SLCO6A1: variants seen among roughly 807,000 people sequenced by gnomAD.
The protein encoded by SLCO6A1 is cancer/testis antigen 48.
In SLCO6A1, 65 loss-of-function variants were observed where a neutral mutation model predicts 72.7. The observed-to-expected ratio is 0.89, with a 90% confidence interval of 0.73 to 1.10. The LOEUF is 1.10. SLCO6A1 is among the 50% of genes least tolerant of loss of function. The pLI, the probability that SLCO6A1 is intolerant of heterozygous loss-of-function variation, is 0.00. For synonymous variants in SLCO6A1, 314 were observed against 298.2 expected, an observed-to-expected ratio of 1.05 and a Z score of -0.55; for missense variants, 874 against 872.6, an observed-to-expected ratio of 1.00 and a Z score of -0.02.
At chr5:102,420,221 G>A (rs1266498390) in intron 7 of SLCO6A1, among the ~76,000 whole-genome samples, 200 bp from the exon 8 acceptor site, 1 of 152,218 alleles carries the variant, frequency 6.6e-6, no homozygotes, top group Non-Finnish European at 1.5e-5. Context: ...CAGGGCTGAA[G>A]CCATAGGCCT....
chr5:102,436,114 A>AATATACCTTTACAGT (rs1490553668), intron 7 of SLCO6A1, among the ~76,000 whole-genome samples: 1 of 152,160 alleles, frequency 6.6e-6, no homozygotes, highest in African/African-American at 2.4e-5. Context: ...AAAAACCACA[A>AATATACCTTTACAGT]ATATACCTTT....
chr5:102,462,455 C>G (rs944153708), intron 4 of SLCO6A1, among the ~76,000 whole-genome samples: 1 of 152,126 alleles, frequency 6.6e-6, no homozygotes, highest in African/African-American at 2.4e-5. Context: ...AATAACAAAT[C>G]TAGAGGCATC....
At chr5:102,463,704 T>A (rs1751159449) in intron 4 of SLCO6A1, among the ~76,000 whole-genome samples, 1 of 151,772 alleles carries the variant, frequency 6.6e-6, no homozygotes, top group Non-Finnish European at 1.5e-5. Flanking sequence ...CTGACCAAAG[T>A]GGAGAAACCC....
At chr5:102,414,936 TA>T (rs538787690) in intron 8 of SLCO6A1, among the ~76,000 whole-genome samples, 39,433 of 150,908 alleles carry the variant, frequency 0.26, 5,862 homozygotes, top group Non-Finnish European at 0.31. Flanking sequence ...AATAAATAAA[TA>T]AATTAATTAA....
In SLCO6A1 at chr5:102,399,556, G is replaced by A. The variant is rs777289666; in HGVS notation, c.1813C>T (p.Arg605Trp). Reference sequence around the variant, plus strand: ...TAATAATGAGTAATATATACATACCGCGTCATGGCCAAGACGATTGGTACA... The same window carrying A: ...TAATAATGAGTAATATATACATACCACGTCATGGCCAAGACGATTGGTACA... ...SGVPIVLAMT[R>W]VVPDKLRSLA... The change falls in exon 10 of 14, where the codon CGG (arginine) becomes TGG (tryptophan). Residue 605 changes from arginine (R) to tryptophan (W), a missense_variant and splice_region_variant. Physicochemically the swap from Arg to Trp is moderately radical, Grantham distance 101. Transcript: ENST00000506729. 1.5e-4 allele frequency: 231 copies of A among 1,523,306 alleles called. No homozygotes were observed. Among genetic ancestry groups the A allele is most frequent in the Non-Finnish European group, 1.8e-4 (199 of 1,131,086 alleles). The allele number at this position is 1,523,306 out of a possible 1,614,324, so 94.4% of individuals were successfully genotyped here.
intron 7 of SLCO6A1, among the ~76,000 whole-genome samples, chr5:102,423,383 C>T: frequency 6.6e-6 from 1 of 152,086 alleles, no homozygotes; most frequent in East Asian, 1.9e-4. Context: ...AGACCCATCT[C>T]ATGTGCAAAG....
intron 10 of SLCO6A1, among the ~76,000 whole-genome samples, chr5:102,391,542 A>G (rs948531156): frequency 2.0e-5 from 3 of 152,128 alleles, no homozygotes; most frequent in Non-Finnish European, 4.4e-5. Flanking sequence ...AGTGAGGTCA[A>G]GATTTGTATT....
At chr5:102,378,926 G>A (rs1013924190) in intron 12 of SLCO6A1, among the ~76,000 whole-genome samples, 1 of 151,812 alleles carries the variant, frequency 6.6e-6, no homozygotes, top group East Asian at 1.9e-4. Flanking sequence ...GGTTACAGGT[G>A]CCCGCCACTA....
rs1359282585 is a variant in SLCO6A1, at chr5:102,426,192, TC to T, written c.1277-6172del. On this transcript the variant is annotated intron_variant, in intron 7 of 13. Transcript: ENST00000506729. ...TAGAGGAAAACCTAGGCAATACCAT[TC>T]AGGACATAGGCATGGGCAAAGACTT... Among the ~76,000 whole-genome samples, 12 of 152,200 alleles carry T rather than the reference TC, an allele frequency of 7.9e-5. No homozygotes were observed. In the East Asian group the frequency reaches 2.3e-3, roughly 29 times the overall value.
At chr5:102,431,546 C>T (rs961587251) in intron 7 of SLCO6A1, among the ~76,000 whole-genome samples, 1 of 152,018 alleles carries the variant, frequency 6.6e-6, no homozygotes, top group Non-Finnish European at 1.5e-5. Flanking sequence ...TGGTTCTGAG[C>T]AATTTAATTA....
chr5:102,375,371 A>C (rs1032252763), intron 12 of SLCO6A1, among the ~76,000 whole-genome samples: 1 of 152,170 alleles, frequency 6.6e-6, no homozygotes, highest in Non-Finnish European at 1.5e-5. Flanking sequence ...CCACCAGTTG[A>C]GTCAGAAATT....
intron 7 of SLCO6A1, among the ~76,000 whole-genome samples, chr5:102,431,460 G>A (rs1248114092): frequency 2.0e-5 from 3 of 150,850 alleles, no homozygotes; most frequent in Non-Finnish European, 4.5e-5. Flanking sequence ...TTGTATCTCT[G>A]TTCTCATTCT....
intron 4 of SLCO6A1, among the ~76,000 whole-genome samples, chr5:102,471,584 C>T (rs987479901): frequency 6.6e-6 from 1 of 152,086 alleles, no homozygotes; most frequent in East Asian, 1.9e-4. Context: ...TTAAATGCTA[C>T]ACCCGCTTAA....
At chr5:102,472,701 T>A (rs1173533444) in intron 4 of SLCO6A1, among the ~76,000 whole-genome samples, 1 of 151,832 alleles carries the variant, frequency 6.6e-6, no homozygotes, top group Non-Finnish European at 1.5e-5. Context: ...GATGGTTTTT[T>A]AAAAGAGATT....
rs1289280618 is a variant in SLCO6A1 at position 102,477,788 on chromosome 5, A to C, written c.690T>G (p.Ser230=). The C allele has an allele frequency of 6.2e-7, 1 of 1,613,706 alleles. No homozygotes were observed. ...GCACAGTCTGCCCAAGGATGAAGAA[A>C]GACAGGTATTTTGATTGGAATGATA... ...SGISFQSKYL[S]FFILGQTVQG... is the part of the protein sequence containing the mutation. Residue 230 remains serine, a synonymous_variant, in exon 3 of 14, where the codon TCT becomes TCG. Transcript: ENST00000506729.
At chr5:102,455,593 C>T (rs1229519214) in intron 6 of SLCO6A1, among the ~76,000 whole-genome samples, 1 of 152,048 alleles carries the variant, frequency 6.6e-6, no homozygotes, top group Admixed American at 6.6e-5. Flanking sequence ...TTTTCAACTT[C>T]TAGAGTTCTC....
chr5:102,439,914 C>CAG (rs1225494689), intron 6 of SLCO6A1, among the ~76,000 whole-genome samples: 2 of 152,146 alleles, frequency 1.3e-5, no homozygotes, highest in Non-Finnish European at 2.9e-5. Flanking sequence ...CATGCCCATC[C>CAG]AGAACTATGT....
chr5:102,372,722 G>A (rs1750690256), intron 13 of SLCO6A1, among the ~76,000 whole-genome samples: 1 of 150,806 alleles, frequency 6.6e-6, no homozygotes, highest in African/African-American at 2.4e-5. Flanking sequence ...ACAGGTAGAA[G>A]TATATGAGTA....
intron 1 of SLCO6A1, among the ~76,000 whole-genome samples, chr5:102,483,498 A>G (rs893217171): frequency 1.3e-5 from 2 of 152,176 alleles, no homozygotes; most frequent in Non-Finnish European, 2.9e-5. Context: ...AGTGTTCCAT[A>G]TACTCCAAAC....
Sources: gnomAD v4.1 joint callset for allele counts (sites outside exome capture counted in the v4.1 genomes callset) on GRCh38, gnomAD v4.1.1 for gene constraint, MANE v1.5 for transcripts, NCBI Gene and HGNC (gene_info 2026-07-23, HGNC 2026-07-21) for gene names.